ELP4: variants seen among roughly 807,000 people sequenced by gnomAD.
ELP4 encodes elongator acetyltransferase complex subunit 4, also known as elongator complex protein 4.
ELP4 carries 51 observed loss-of-function variants against 48.9 expected under a neutral mutation model. The observed-to-expected ratio is 1.04, with a 90% CI of 0.83 to 1.32. ELP4 has a LOEUF of 1.32. ELP4 is among the 40% of genes most tolerant of loss of function. The pLI, the probability that ELP4 is intolerant of heterozygous loss-of-function variation, is 0.00. For synonymous variants in ELP4, 210 were observed against 189.2 expected, an observed-to-expected ratio of 1.11 and a Z score of -0.90; for missense variants, 519 against 514.6, an observed-to-expected ratio of 1.01 and a Z score of -0.08.
At chr11:31,572,392 C>A (rs779076306) in intron 3 of ELP4, among the ~76,000 whole-genome samples, 15 of 152,100 alleles carry the variant, frequency 9.9e-5, no homozygotes, top group Non-Finnish European at 2.9e-5. Context: ...AAAGAAAATA[C>A]CTATGCCAGT....
At chr11:31,640,428 A>C (rs1945071047) in intron 7 of ELP4, among the ~76,000 whole-genome samples, 2 of 151,956 alleles carry the variant, frequency 1.3e-5, no homozygotes, top group Non-Finnish European at 2.9e-5. Flanking sequence ...TGTTGAGACC[A>C]AACATGCTTG....
intron 9 of ELP4, among the ~76,000 whole-genome samples, chr11:31,697,414 T>G (rs1946432765): frequency 6.6e-6 from 1 of 152,110 alleles, no homozygotes; most frequent in African/African-American, 2.4e-5. Flanking sequence ...TTTTGTTTCT[T>G]GGGTTTTTTT....
At chr11:31,738,453 G>A (rs1225492075) in intron 9 of ELP4, among the ~76,000 whole-genome samples, 1 of 151,290 alleles carries the variant, frequency 6.6e-6, no homozygotes, top group Non-Finnish European at 1.5e-5. Flanking sequence ...AAACAAAAAA[G>A]CCAGGCATAG....
chr11:31,641,966 T>A (rs1006195498), intron 7 of ELP4, among the ~76,000 whole-genome samples: 1 of 151,904 alleles, frequency 6.6e-6, no homozygotes, highest in Non-Finnish European at 1.5e-5. Flanking sequence ...GTTTCAAGTA[T>A]CAAAGTACTA....
intron 9 of ELP4, among the ~76,000 whole-genome samples, chr11:31,679,998 CTT>C (rs1234795960): frequency 6.6e-6 from 1 of 152,140 alleles, no homozygotes; most frequent in African/African-American, 2.4e-5. Context: ...TTTTCCTACT[CTT>C]TTGGTATTGG....
chr11:31,735,211 C>T (rs1366342384), intron 9 of ELP4, among the ~76,000 whole-genome samples: 2 of 148,710 alleles, frequency 1.3e-5, no homozygotes, highest in East Asian at 3.9e-4. Flanking sequence ...TCATCTTACA[C>T]CATATAGAAA....
chr11:31,566,096 A>G (rs891841491), intron 3 of ELP4, among the ~76,000 whole-genome samples: 14 of 152,018 alleles, frequency 9.2e-5, no homozygotes, highest in Admixed American at 6.6e-5. Context: ...AGGCTCATAT[A>G]AGTGTAATCC....
At chr11:31,616,055 A>T (rs189225563) in intron 5 of ELP4, among the ~76,000 whole-genome samples, 60 of 152,248 alleles carry the variant, frequency 3.9e-4, no homozygotes, top group Non-Finnish European at 7.4e-4. Context: ...AGAAGGAAAT[A>T]GAAACAACAG....
chr11:31,774,259 A>G (rs183674308), intron 9 of ELP4, among the ~76,000 whole-genome samples: 12 of 152,338 alleles, frequency 7.9e-5, no homozygotes, highest in African/African-American at 2.6e-4. Context: ...CCTTGAAGCC[A>G]TCTAAAATAA....
At chr11:31,690,707 T>C (rs1946260807) in intron 9 of ELP4, among the ~76,000 whole-genome samples, 1 of 151,196 alleles carries the variant, frequency 6.6e-6, no homozygotes, top group South Asian at 2.1e-4. Context: ...CCAAAAACAA[T>C]AAAATTCTTA....
chr11:31,622,617 A>C (rs1358579078), intron 5 of ELP4, among the ~76,000 whole-genome samples: 1 of 151,700 alleles, frequency 6.6e-6, no homozygotes, highest in Non-Finnish European at 1.5e-5. Context: ...CAGCAAAACC[A>C]ATGCAGTTTG....
chr11:31,777,684 G>T (rs73477643), intron 9 of ELP4, among the ~76,000 whole-genome samples: 7,342 of 152,210 alleles, frequency 0.048, 619 homozygotes, highest in African/African-American at 0.16. Context: ...CAACTTTCAG[G>T]TCTTGCCTTC....
chr11:31,745,311 C>T (rs1947560318), intron 9 of ELP4, among the ~76,000 whole-genome samples: 1 of 152,136 alleles, frequency 6.6e-6, no homozygotes, highest in Non-Finnish European at 1.5e-5. Context: ...AATGGCCATA[C>T]TGCCCAAGGT....
intron 9 of ELP4, among the ~76,000 whole-genome samples, chr11:31,657,620 T>C (rs908290208): frequency 1.3e-4 from 19 of 151,998 alleles, no homozygotes; most frequent in African/African-American, 4.3e-4. Flanking sequence ...TTCTAGGTAT[T>C]GTGTTGGGTG....
At chr11:31,590,033 A>G (rs1957541666) in intron 3 of ELP4, among the ~76,000 whole-genome samples, 1 of 152,096 alleles carries the variant, frequency 6.6e-6, no homozygotes, top group South Asian at 2.1e-4. Flanking sequence ...TCCCAGCTCC[A>G]TTTTTTACTA....
At chr11:31,650,302 T>G (rs1486854973) in intron 9 of ELP4, 81 bp downstream of exon 9, 4 of 495,176 alleles carry the variant, frequency 8.1e-6, no homozygotes, top group Non-Finnish European at 1.1e-5. Flanking sequence ...TTATTTTCAT[T>G]TTCACTTATT....
chr11:31,557,569 T>G (rs1004915879), intron 3 of ELP4, among the ~76,000 whole-genome samples: 1 of 152,064 alleles, frequency 6.6e-6, no homozygotes, highest in African/African-American at 2.4e-5. Flanking sequence ...TGCATTGTAG[T>G]ATAGTTTGGT....
At chr11:31,605,654 A>G (rs1326270588) in intron 5 of ELP4, among the ~76,000 whole-genome samples, 2 of 152,146 alleles carry the variant, frequency 1.3e-5, no homozygotes, top group Non-Finnish European at 2.9e-5. Flanking sequence ...TTTAAGGACA[A>G]TACTTTTTTT....
At chr11:31,511,276 T>C (rs1419629619) in intron 1 of ELP4, 5 of 152,240 alleles carry the variant, frequency 3.3e-5, no homozygotes, top group East Asian at 3.8e-4. Context: ...TCAGTTGATA[T>C]CCTCTTACAT....
Sources: gnomAD v4.1 joint callset for allele counts (sites outside exome capture counted in the v4.1 genomes callset) on GRCh38, gnomAD v4.1.1 for gene constraint, MANE v1.5 for transcripts, NCBI Gene and HGNC (gene_info 2026-07-23, HGNC 2026-07-21) for gene names.